The following GGT1 variants were observed in gnomAD, a reference collection of about 807,000 sequenced individuals.
The protein encoded by GGT1 is glutathione hydrolase 1 proenzyme.
A neutral mutation model predicts 56.0 loss-of-function variants in GGT1; 21 were observed. The ratio of observed to expected loss-of-function variants is 0.38; its 90% confidence interval spans 0.27 to 0.54. The LOEUF (loss-of-function observed/expected upper bound fraction) is 0.54. Among genes scored for constraint, GGT1 ranks in the 20% least tolerant of loss-of-function variants. The probability of loss-of-function intolerance (pLI) is 0.82; values close to 1 mark genes in which losing one functional copy is unlikely to be tolerated. For synonymous variants in GGT1, 238 were observed against 342.6 expected, an observed-to-expected ratio of 0.69 and a Z score of 3.37; for missense variants, 466 against 787.0, an observed-to-expected ratio of 0.59 and a Z score of 4.88.
intron 1 of GGT1, among the ~76,000 whole-genome samples, chr22:24,605,037 A>ATATATATATAT (rs1569047530): frequency 1.0e-4 from 5 of 50,040 alleles, no homozygotes; most frequent in African/African-American, 7.3e-4. Context: ...TATATATATA[A>ATATATATATAT]AATATGTAAT....
At chr22:24,615,012 CGGG>C in intron 6 of GGT1, 26 bp from the exon 7 acceptor site, 3 of 779,478 alleles carry the variant, frequency 3.8e-6, no homozygotes, top group Non-Finnish European at 6.3e-6. Context: ...TTTGGGTGGG[CGGG>C]CCTGCCTACC....
In GGT1 at chr22:24,607,990, G is replaced by A. The variant is rs985341672; in HGVS notation, c.-392G>A. ...CAGAACTGTCTTCTGAGGAAGAGGT[G>A]CTCTCCTGGGCCCCCACTGTCCCCA... On this transcript the variant is annotated 5_prime_UTR_variant, in exon 2 of 16. Coordinates refer to ENST00000400382, the MANE Select transcript of GGT1 (RefSeq NM_001288833.2). 3 of 469,002 alleles carry A rather than the reference G, an allele frequency of 6.4e-6. No individual in the cohort carries two copies. The highest frequency in any genetic ancestry group is 6.0e-5 in the African/African-American group (3 of 50,002). The allele number at this position is 469,002 out of a possible 1,614,324, so 29.1% of individuals were successfully genotyped here.
Position 24,623,803 on chromosome 22 carries a change from G to C in GGT1, c.907G>C (p.Val303Leu). 6.2e-7 allele frequency: 1 copy of C among 1,611,902 alleles called. No individual in the cohort carries two copies. Among genetic ancestry groups the C allele is most frequent in the Non-Finnish European group, 8.5e-7 (1 of 1,179,844 alleles). Residue 303 changes from valine to leucine, a missense_variant, in exon 11 of 16, where the codon GTG becomes CTG. Around this residue, in one of 2 missense-constraint regions of GGT1, gnomAD observed 456 missense variants for 716.7 expected, o/e 0.64. Transcript: ENST00000400382. ...LKGYNFSRESVESPEQKGLTY... is the reference protein window; with the variant it reads ...LKGYNFSRESLESPEQKGLTY... ...AGGGTACAACTTCTCCCGGGAGAGC[G>C]TGGAGAGCCCCGAGCAGAAGGGCCT...
intron 11 of GGT1, among the ~76,000 whole-genome samples, chr22:24,626,549 A>G (rs113230767): frequency 4.2e-4 from 64 of 151,740 alleles, no homozygotes; most frequent in Non-Finnish European, 9.0e-4. Flanking sequence ...CTGATGAAGT[A>G]TCCAAAATCA....
chr22:24,626,945 A>G lies in GGT1; in HGVS notation c.1021-487A>G, dbSNP rs201234673. ...GGCCTTTGCACTGACCATTTAGGCC[A>G]CATTCCAGGCTCTTTTCACACGTTG... On this transcript the variant is annotated intron_variant, in intron 11 of 15. Coordinates refer to ENST00000400382, the MANE Select transcript of GGT1 (RefSeq NM_001288833.2). Among the ~76,000 whole-genome samples the G allele has an allele frequency of 7.2e-3, 1,082 of 149,768 alleles. 4 individuals are homozygous for G. Among genetic ancestry groups the G allele is most frequent in the Non-Finnish European group, 0.011 (777 of 67,832 alleles).
chr22:24,592,976 C>T (rs1400427448), upstream of GGT1: 1 of 1,168,802 alleles, frequency 8.6e-7, no homozygotes, highest in Non-Finnish European at 1.1e-6. Flanking sequence ...GGCCCGCAGC[C>T]GGCCGCCGCC....
chr22:24,586,457 C>T, the GGT1 span: 16 of 1,565,540 alleles, frequency 1.0e-5, no homozygotes, highest in Admixed American at 2.4e-4. Flanking sequence ...ACCAGGCAGT[C>T]CCCCCACTGA....
chr22:24,614,945 G>T (rs543873322), intron 6 of GGT1, 39 bp downstream of exon 6: 2 of 1,606,804 alleles, frequency 1.2e-6, no homozygotes, highest in East Asian at 4.5e-5. Flanking sequence ...GGGGCAGGGG[G>T]TGTGGGTTGG....
upstream of GGT1, chr22:24,593,174 C>G (rs553659541): frequency 4.5e-4 from 407 of 907,178 alleles, no homozygotes; most frequent in Non-Finnish European, 5.2e-4. Context: ...AGCGCCCGCC[C>G]CACCCCGCGC....
chr22:24,586,090 G>T, the GGT1 span: 1 of 1,612,622 alleles, frequency 6.2e-7, no homozygotes, highest in Non-Finnish European at 8.5e-7. Flanking sequence ...CATCCACGTT[G>T]TTGCCCAGGT....
Position 24,628,915 on chromosome 22 carries a change from G to A in GGT1, c.*76G>A. 6.3e-7 allele frequency: 1 copy of A among 1,598,412 alleles called. No homozygotes were observed. Among genetic ancestry groups the A allele is most frequent in the East Asian group, 2.2e-5 (1 of 44,452 alleles). ...CAGGACCAGGAAGGGGACTCTGGGG[G>A]ACCGGCTTCCCCTGTGAGCAGCAGA... On this transcript the variant is annotated 3_prime_UTR_variant, in exon 16 of 16. Coordinates refer to ENST00000400382, the MANE Select transcript of GGT1 (RefSeq NM_001288833.2). The surrounding 1 kb of genome is among the most constrained non-coding windows in gnomAD (Gnocchi z 5.7).
intron 5 of GGT1, among the ~76,000 whole-genome samples, chr22:24,614,348 C>CAAAAAAAAAAAAAA (rs534749815): frequency 2.8e-4 from 3 of 10,748 alleles, no homozygotes; most frequent in Admixed American, 1.2e-3. Flanking sequence ...GACTTTGTCT[C>CAAAAAAAAAAAAAA]AAAAAAAAAA....
the GGT1 span, chr22:24,588,983 C>A: frequency 9.9e-7 from 1 of 1,009,838 alleles, no homozygotes; most frequent in Non-Finnish European, 1.2e-6. Context: ...TTATCCAGTC[C>A]CTCTGTGAGC....
At chr22:24,598,222 G>C (rs1469943904), upstream of GGT1, 1 of 152,184 alleles carries the variant, frequency 6.6e-6, no homozygotes, top group Non-Finnish European at 1.5e-5. Flanking sequence ...TGGATCACTT[G>C]AGGTCAGGAG....
chr22:24,623,286 G>C lies in GGT1; in HGVS notation c.883+30G>C, dbSNP rs1210311848. 4 of 1,497,658 alleles carry C rather than the reference G, an allele frequency of 2.7e-6. No homozygotes were observed. The African/African-American group carries it at 5.7e-5, about 21-fold the overall frequency. 92.8% of individuals were successfully genotyped at this position (1,497,658 alleles called of 1,614,324 possible). A position where few individuals can be genotyped will look rare whatever the true frequency, so the allele number is the denominator to read the frequency against. On this transcript the variant is annotated intron_variant, in intron 10 of 15. Coordinates refer to ENST00000400382, the MANE Select transcript of GGT1 (RefSeq NM_001288833.2). ...GTGGTCGCACCACAGCCGTGTGGTA[G>C]GACCCATGACACTGCCTCTCTCTCC...
At chr22:24,593,514 A>T (rs2045633323), upstream of GGT1, among the ~76,000 whole-genome samples, 1 of 152,072 alleles carries the variant, frequency 6.6e-6, no homozygotes, top group South Asian at 2.1e-4. Flanking sequence ...TAGGCCGGGC[A>T]TGGTGGCTCA....
At chr22:24,586,528 A>G in the GGT1 span, 1 of 1,099,840 alleles carries the variant, frequency 9.1e-7, no homozygotes. Context: ...CCAGATTCAA[A>G]CTGTGTCTTT....
upstream of GGT1, chr22:24,592,619 C>A: frequency 1.8e-6 from 1 of 556,216 alleles, no homozygotes; most frequent in Non-Finnish European, 3.0e-6. Context: ...GCAGCCCCCT[C>A]CTCCACACGG....
At chr22:24,597,615 A>C (rs958484103) in intron 1 of GGT1, among the ~76,000 whole-genome samples, 3 of 152,038 alleles carry the variant, frequency 2.0e-5, no homozygotes, top group Non-Finnish European at 4.4e-5. Context: ...TAGGAGGCGG[A>C]GGTTTCAGTG....
Sources: gnomAD v4.1 joint callset for allele counts (sites outside exome capture counted in the v4.1 genomes callset) on GRCh38, gnomAD v4.1.1 for gene constraint, gnomAD v4.1.1 regional missense constraint, Gnocchi (gnomAD v3.1) non-coding constraint, MANE v1.5 for transcripts, NCBI Gene and HGNC (gene_info 2026-07-23, HGNC 2026-07-21) for gene names.